The following DNER variants were observed in gnomAD, a reference collection of about 807,000 sequenced individuals.
DNER encodes delta/notch like EGF repeat containing, also known as delta and Notch-like epidermal growth factor-related receptor.
In DNER, 33 loss-of-function variants were observed where a neutral mutation model predicts 78.2. The ratio of observed to expected loss-of-function variants is 0.42; its 90% CI spans 0.32 to 0.56. DNER has a LOEUF of 0.56. DNER is among the 20% of genes least tolerant of loss of function. DNER has a pLI of 0.11. For missense variants in DNER, 918 were observed against 975.3 expected, an observed-to-expected ratio of 0.94 and a Z score of 0.78; for synonymous variants, 417 against 384.8, an observed-to-expected ratio of 1.08 and a Z score of -0.98.
At chr2:229,428,990 A>G (rs1012891619) in intron 8 of DNER, among the ~76,000 whole-genome samples, 27 of 152,336 alleles carry the variant, frequency 1.8e-4, no homozygotes, top group African/African-American at 5.5e-4. Context: ...AAACTGGTCC[A>G]GAACATGATG....
At chr2:229,484,321 T>C (rs989011826) in intron 6 of DNER, among the ~76,000 whole-genome samples, 12 of 152,218 alleles carry the variant, frequency 7.9e-5, no homozygotes, top group African/African-American at 2.9e-4. Context: ...AAAAATCACC[T>C]TGCTGCCATC....
At chr2:229,673,943 G>A (rs1003769405) in intron 1 of DNER, among the ~76,000 whole-genome samples, 51 of 152,242 alleles carry the variant, frequency 3.3e-4, no homozygotes, top group Admixed American at 1.3e-4. Context: ...GCCAGGGAGG[G>A]AGGAGAGAGA....
chr2:229,371,938 A>G (rs370215277), intron 11 of DNER, among the ~76,000 whole-genome samples: 1 of 152,216 alleles, frequency 6.6e-6, no homozygotes, highest in East Asian at 1.9e-4. Flanking sequence ...AACAATTGTG[A>G]GGAGGGATGT....
chr2:229,540,706 T>A (rs897351299), intron 5 of DNER, among the ~76,000 whole-genome samples: 1 of 152,170 alleles, frequency 6.6e-6, no homozygotes, highest in African/African-American at 2.4e-5. Flanking sequence ...TAGGAAGAGA[T>A]GTCACAGAAG....
At chr2:229,429,720 C>G (rs184247998) in intron 8 of DNER, among the ~76,000 whole-genome samples, 2 of 152,356 alleles carry the variant, frequency 1.3e-5, no homozygotes, top group African/African-American at 4.8e-5. Context: ...CAGCTCAGCA[C>G]TGACATGGTG....
chr2:229,484,539 T>C (rs1418242773), intron 6 of DNER, among the ~76,000 whole-genome samples: 3 of 152,134 alleles, frequency 2.0e-5, no homozygotes, highest in Non-Finnish European at 4.4e-5. Flanking sequence ...CTCTTCATTT[T>C]GTTGTTGTTG....
At position 229,367,073 on chromosome 2, in the gene DNER, C is replaced by A; in HGVS notation, c.1902G>T (p.Met634Ile). The A allele has an allele frequency of 6.2e-7, 1 of 1,614,110 alleles. No individual in the cohort carries two copies. The highest frequency in any genetic ancestry group is 8.5e-7 in the Non-Finnish European group (1 of 1,180,024). ...TGATGATGTAGAGGGAGTGCCGTGGCATGTTGGTGAGGCTCTCCGCCATGT... is the reference window on the plus strand; with the variant it reads ...TGATGATGTAGAGGGAGTGCCGTGGAATGTTGGTGAGGCTCTCCGCCATGT... ...SGHMAESLTN[M>I]PRHSLYIIIG... The change falls in exon 12 of 13, where the codon ATG becomes ATT. Residue 634 changes from methionine (M) to isoleucine (I), a missense_variant. Physicochemically the swap from Met to Ile is conservative, Grantham distance 10. Coordinates refer to ENST00000341772, the MANE Select transcript of DNER (RefSeq NM_139072.4).
At chr2:229,438,929 A>G (rs1489722253) in intron 8 of DNER, among the ~76,000 whole-genome samples, 4 of 152,148 alleles carry the variant, frequency 2.6e-5, no homozygotes, top group Admixed American at 2.6e-4. Flanking sequence ...TTTTGACCCC[A>G]TTTGCTATTT....
chr2:229,604,548 T>C (rs982962295), intron 1 of DNER, among the ~76,000 whole-genome samples: 1 of 152,160 alleles, frequency 6.6e-6, no homozygotes. Context: ...TCACCTTGTT[T>C]AGTAAAAGTC....
At chr2:229,479,448 C>G (rs1261511440) in intron 6 of DNER, among the ~76,000 whole-genome samples, 1 of 152,276 alleles carries the variant, frequency 6.6e-6, no homozygotes, top group East Asian at 1.9e-4. Context: ...TGCGGTAGCT[C>G]ATGCCTGTAA....
At chr2:229,390,029 C>A (rs2106336827) in intron 10 of DNER, among the ~76,000 whole-genome samples, 1 of 152,260 alleles carries the variant, frequency 6.6e-6, no homozygotes, top group African/African-American at 2.4e-5. Context: ...CATTACATGG[C>A]AGACTGGTTG....
At position 229,546,938 on chromosome 2, in the gene DNER, T is replaced by A. The variant is rs370413730; in HGVS notation, c.993+9A>T. ...ATGTGTATTTACAAGCTACCAGGCA[T>A]CCCCTTACCTCTGACGGCTTCGTGG... is the stretch of plus-strand genomic sequence containing the variant. On this transcript the variant is annotated intron_variant, in intron 5 of 12. Coordinates refer to ENST00000341772, the MANE Select transcript of DNER (RefSeq NM_139072.4). 32 of 1,613,890 alleles carry A rather than the reference T, an allele frequency of 2.0e-5. No individual in the cohort carries two copies. In the African/African-American group the frequency reaches 2.7e-4, roughly 13 times the overall value.
At chr2:229,613,592 A>C (rs1358000147) in intron 1 of DNER, among the ~76,000 whole-genome samples, 1 of 152,190 alleles carries the variant, frequency 6.6e-6, no homozygotes, top group Admixed American at 6.5e-5. Flanking sequence ...GGCGCAGGGA[A>C]GAGTCAATGC....
intron 8 of DNER, among the ~76,000 whole-genome samples, chr2:229,420,285 C>A (rs1275544744): frequency 6.6e-6 from 1 of 152,108 alleles, no homozygotes; most frequent in Non-Finnish European, 1.5e-5. Context: ...GATTTAGATT[C>A]AATGAAAGAT....
chr2:229,680,899 C>T (rs192719234), intron 1 of DNER, among the ~76,000 whole-genome samples: 2 of 152,302 alleles, frequency 1.3e-5, no homozygotes. Context: ...ATGTTCTAGG[C>T]ACTGCTATAG....
intron 11 of DNER, among the ~76,000 whole-genome samples, chr2:229,369,645 T>C (rs1350057681): frequency 1.3e-5 from 2 of 152,314 alleles, no homozygotes; most frequent in East Asian, 3.9e-4. Flanking sequence ...TTACTGAGCA[T>C]GGCCCTGTGT....
intron 4 of DNER, among the ~76,000 whole-genome samples, chr2:229,569,703 G>A (rs1189913040): frequency 6.6e-6 from 1 of 151,708 alleles, no homozygotes; most frequent in Non-Finnish European, 1.5e-5. Flanking sequence ...TTTTTTATTT[G>A]TATTATTTTT....
intron 1 of DNER, among the ~76,000 whole-genome samples, chr2:229,665,246 C>T (rs1362710952): frequency 2.0e-5 from 3 of 152,084 alleles, no homozygotes; most frequent in African/African-American, 7.2e-5. Flanking sequence ...TTCAAGACAA[C>T]AAATCTTGCC....
chr2:229,504,994 C>T (rs1054217597), intron 6 of DNER, among the ~76,000 whole-genome samples: 22 of 152,200 alleles, frequency 1.4e-4, no homozygotes, highest in African/African-American at 4.6e-4. Flanking sequence ...GACCCTCCAG[C>T]CGTCCCTTTG....
Sources: gnomAD v4.1 joint callset for allele counts (sites outside exome capture counted in the v4.1 genomes callset) on GRCh38, gnomAD v4.1.1 for gene constraint, MANE v1.5 for transcripts, NCBI Gene and HGNC (gene_info 2026-07-23, HGNC 2026-07-21) for gene names.